GNPDA2: variants seen among roughly 807,000 people sequenced by gnomAD.
GNPDA2 encodes the protein glucosamine-6-phosphate deaminase 2.
GNPDA2 carries 24 observed loss-of-function variants against 27.0 expected under a neutral mutation model. The ratio of observed to expected loss-of-function variants is 0.89; its 90% CI spans 0.64 to 1.25. GNPDA2 has a LOEUF of 1.25. Among genes scored for constraint, GNPDA2 ranks in the 50% most tolerant of loss-of-function variants. The pLI, the probability that GNPDA2 is intolerant of heterozygous loss-of-function variation, is 0.00. For missense variants in GNPDA2, 286 were observed against 335.1 expected (o/e 0.85, Z 1.14); for synonymous variants, 94 against 108.4 (o/e 0.87, Z 0.83).
At chr4:44,710,602 T>A (rs1279441907) in intron 5 of GNPDA2, among the ~76,000 whole-genome samples, 1 of 152,150 alleles carries the variant, frequency 6.6e-6, no homozygotes, top group Non-Finnish European at 1.5e-5. Context: ...AAAGATGTAG[T>A]GTAACTAGCA....
At chr4:44,709,530 C>G (rs4484337) in intron 5 of GNPDA2, among the ~76,000 whole-genome samples, 79,967 of 151,952 alleles carry the variant, frequency 0.53, 22,461 homozygotes, top group Non-Finnish European at 0.64. Flanking sequence ...TAATGTTTGA[C>G]AACCAGTGCT....
chr4:44,717,335 T>C, intron 3 of GNPDA2, 40 bp from the exon 4 acceptor site: 3 of 1,135,742 alleles, frequency 2.6e-6, no homozygotes, highest in South Asian at 3.2e-5. Context: ...ATTCCTGAAA[T>C]AAATCTAAAG....
At position 44,726,517 on chromosome 4, in the gene GNPDA2, G is replaced by A. The variant is rs992442031; in HGVS notation, c.-79C>T. On this transcript the variant is annotated 5_prime_UTR_variant, in exon 1 of 7. Coordinates refer to ENST00000295448, the MANE Select transcript of GNPDA2 (RefSeq NM_138335.3). ...TTCGATGCTGGAACAGCGGGAACAA[G>A]CAACACCCAACCACCCGAGAGCGAC... 6.6e-6 allele frequency: 1 copy of A among 152,374 alleles called. No homozygotes were observed. Among genetic ancestry groups the A allele is most frequent in the African/African-American group, 2.4e-5 (1 of 41,462 alleles). The allele number at this position is 152,374 out of a possible 1,614,324, so 9.4% of individuals were successfully genotyped here. A position where few individuals can be genotyped will look rare whatever the true frequency, so the allele number is the denominator to read the frequency against.
intron 4 of GNPDA2, among the ~76,000 whole-genome samples, chr4:44,712,339 C>T (rs1717030216): frequency 6.6e-6 from 1 of 151,880 alleles, no homozygotes; most frequent in Non-Finnish European, 1.5e-5. Context: ...AAAATTTTCC[C>T]AGGCCACAAG....
intron 4 of GNPDA2, among the ~76,000 whole-genome samples, chr4:44,713,745 C>T (rs961138687): frequency 3.3e-5 from 5 of 151,632 alleles, no homozygotes; most frequent in East Asian, 2.0e-4. Context: ...CCGGGCATGG[C>T]GGCAAGTGCC....
chr4:44,709,537 T>G (rs1225244543), intron 5 of GNPDA2, among the ~76,000 whole-genome samples: 3 of 152,138 alleles, frequency 2.0e-5, no homozygotes, highest in Non-Finnish European at 4.4e-5. Flanking sequence ...TGACAACCAG[T>G]GCTCAGGCAG....
At chr4:44,725,658 C>A (rs1473760036) in intron 1 of GNPDA2, among the ~76,000 whole-genome samples, 1 of 152,174 alleles carries the variant, frequency 6.6e-6, no homozygotes, top group Non-Finnish European at 1.5e-5. Context: ...TCACCCAGAG[C>A]AAAGAAGAAT....
chr4:44,708,275 A>T (rs376818905), intron 5 of GNPDA2, among the ~76,000 whole-genome samples: 12 of 151,966 alleles, frequency 7.9e-5, no homozygotes, highest in African/African-American at 2.7e-4. Context: ...CAAATCTATA[A>T]ATAATTTATA....
At chr4:44,711,445 C>A (rs531853816) in intron 4 of GNPDA2, among the ~76,000 whole-genome samples, 4 of 152,242 alleles carry the variant, frequency 2.6e-5, no homozygotes, top group Admixed American at 2.6e-4. Context: ...ATTTAATAAT[C>A]TTATGAGATG....
chr4:44,717,479 A>G (rs1442882340), intron 3 of GNPDA2, among the ~76,000 whole-genome samples, 184 bp from the exon 4 acceptor site: 2 of 151,872 alleles, frequency 1.3e-5, no homozygotes, highest in Non-Finnish European at 3.0e-5. Context: ...GTATGCATTA[A>G]TTGATAAAAC....
chr4:44,709,049 TTCTAACAATTAG>T (rs1481807343), intron 5 of GNPDA2, among the ~76,000 whole-genome samples: 4 of 152,156 alleles, frequency 2.6e-5, no homozygotes, highest in Non-Finnish European at 4.4e-5. Context: ...CTTGTAAAAG[TTCTAACAATTAG>T]ACAATATGAG....
chr4:44,715,956 G>A (rs1407549119), intron 4 of GNPDA2, among the ~76,000 whole-genome samples: 2 of 151,972 alleles, frequency 1.3e-5, no homozygotes, highest in African/African-American at 4.8e-5. Flanking sequence ...TTACAGTTGA[G>A]AGAGAAAGAG....
At chr4:44,711,835 A>C (rs999729822) in intron 4 of GNPDA2, among the ~76,000 whole-genome samples, 4 of 151,434 alleles carry the variant, frequency 2.6e-5, no homozygotes, top group Non-Finnish European at 4.4e-5. Context: ...ATATACACAT[A>C]TACAACACAA....
intron 4 of GNPDA2, 88 bp from the exon 5 acceptor site, chr4:44,711,225 C>A (rs1253597466): frequency 2.8e-6 from 2 of 709,596 alleles, no homozygotes; most frequent in Non-Finnish European, 2.1e-6. Context: ...AAAAAAATCA[C>A]CTTGTTTTAT....
intron 1 of GNPDA2, among the ~76,000 whole-genome samples, chr4:44,723,527 TAAGA>T (rs1183418591): frequency 6.6e-6 from 1 of 152,156 alleles, no homozygotes; most frequent in African/African-American, 2.4e-5. Flanking sequence ...TTGTTTCACT[TAAGA>T]TGATGGCCTC....
chr4:44,704,315 T>G, intron 6 of GNPDA2: 1 of 975,800 alleles, frequency 1.0e-6, no homozygotes, highest in Non-Finnish European at 1.2e-6. Flanking sequence ...GCTGTATGAT[T>G]TAGAAGATGC....
At chr4:44,724,070 T>C (rs1337651238) in intron 1 of GNPDA2, among the ~76,000 whole-genome samples, 1 of 152,180 alleles carries the variant, frequency 6.6e-6, no homozygotes, top group Non-Finnish European at 1.5e-5. Flanking sequence ...CTTTGGTCCT[T>C]TGCTACTTGG....
intron 1 of GNPDA2, 75 bp downstream of exon 1, chr4:44,726,399 G>A (rs1718028356): frequency 6.6e-6 from 1 of 152,380 alleles, no homozygotes; most frequent in African/African-American, 2.4e-5. Flanking sequence ...AGGCCGCACA[G>A]GGCGAAGTTG....
intron 2 of GNPDA2, among the ~76,000 whole-genome samples, chr4:44,718,897 T>C (rs1717494504): frequency 6.6e-6 from 1 of 151,992 alleles, no homozygotes; most frequent in African/African-American, 2.4e-5. Context: ...GACTTTAGCC[T>C]TACAGCTTTC....
Sources: allele counts gnomAD v4.1 joint callset (sites outside exome capture counted in the v4.1 genomes callset), GRCh38; gene constraint gnomAD v4.1.1; transcripts MANE v1.5; gene names NCBI Gene and HGNC (gene_info 2026-07-23, HGNC 2026-07-21).